CUX1: variants seen among roughly 807,000 people sequenced by gnomAD.
CUX1 encodes protein CASP.
Under a neutral mutation model 158.8 loss-of-function variants are expected in CUX1, and 31 were observed. The ratio of observed to expected loss-of-function variants is 0.20; its 90% CI spans 0.15 to 0.26. The LOEUF (loss-of-function observed/expected upper bound fraction) is 0.26, where lower values mean the gene tolerates loss of function less well. Among genes scored for constraint, CUX1 ranks in the 10% least tolerant of loss-of-function variants. The pLI is 1.00. For synonymous variants in CUX1, 879 were observed against 862.1 expected (o/e 1.02, Z -0.34); for missense variants, 1,589 against 2,014.6 (o/e 0.79, Z 4.04).
intron 1 of CUX1, among the ~76,000 whole-genome samples, chr7:101,887,842 C>CCTTT (rs1562966470): frequency 3.0e-5 from 4 of 135,038 alleles, no homozygotes; most frequent in Non-Finnish European, 4.8e-5. Context: ...ATGACGGTGA[C>CCTTT]ATTTTTTTTT....
At chr7:101,879,705 G>C (rs1799517174) in intron 1 of CUX1, among the ~76,000 whole-genome samples, 1 of 152,274 alleles carries the variant, frequency 6.6e-6, no homozygotes, top group Admixed American at 6.5e-5. Flanking sequence ...CTTCTTGGGA[G>C]ATAAAAGTGG....
chr7:101,989,269 C>T (rs1030406708), intron 2 of CUX1, among the ~76,000 whole-genome samples: 4 of 152,208 alleles, frequency 2.6e-5, no homozygotes, highest in African/African-American at 4.8e-5. Context: ...TCTGGTTCCA[C>T]GTGTCCCCAA....
intron 2 of CUX1, among the ~76,000 whole-genome samples, chr7:101,944,203 G>A (rs1432970918): frequency 6.6e-6 from 1 of 152,084 alleles, no homozygotes; most frequent in African/African-American, 2.4e-5. Context: ...GGGGCGCAGT[G>A]GGCTGGGTTG....
intron 7 of CUX1, among the ~76,000 whole-genome samples, chr7:102,113,075 G>T (rs559604932): frequency 3.7e-4 from 56 of 152,234 alleles, no homozygotes; most frequent in African/African-American, 1.3e-3. Context: ...GAGAAACAGT[G>T]CAGTCGAACA....
intron 2 of CUX1, among the ~76,000 whole-genome samples, chr7:101,946,968 G>T (rs576270872): frequency 6.6e-6 from 1 of 152,294 alleles, no homozygotes; most frequent in South Asian, 2.1e-4. Context: ...GCCACAGAAG[G>T]CCCGGGATGT....
At chr7:102,058,713 T>C (rs1824435391) in intron 3 of CUX1, among the ~76,000 whole-genome samples, 1 of 152,218 alleles carries the variant, frequency 6.6e-6, no homozygotes, top group South Asian at 2.1e-4. Context: ...TTTTTTATTG[T>C]ACACATATAT....
chr7:101,992,530 C>T (rs1765796785), intron 2 of CUX1, among the ~76,000 whole-genome samples: 1 of 152,190 alleles, frequency 6.6e-6, no homozygotes, highest in Admixed American at 6.5e-5. Flanking sequence ...CTACGTGCCC[C>T]ATGCCCAGCA....
chr7:101,931,461 C>T (rs1806280477), intron 2 of CUX1, among the ~76,000 whole-genome samples: 1 of 152,188 alleles, frequency 6.6e-6, no homozygotes, highest in Non-Finnish European at 1.5e-5. Context: ...TTAACACTCA[C>T]AGGATCCCTA....
In CUX1 at chr7:102,165,644, C is replaced by T. The variant is rs141059274; in HGVS notation, c.724-4802C>T. ...CCTCCCAAAGTGCTGGGATTACAGG[C>T]GTGAGCCACAGCACCCAGCAAAAGC... On this transcript the variant is annotated intron_variant, in intron 9 of 23. Transcript: ENST00000292535. Among the ~76,000 whole-genome samples, 41 of 152,204 alleles carry T rather than the reference C, an allele frequency of 2.7e-4. 1 individual carries two copies. In the East Asian group the frequency reaches 7.3e-3, roughly 27 times the overall value.
intron 3 of CUX1, among the ~76,000 whole-genome samples, chr7:102,040,288 C>T (rs975554595): frequency 2.0e-5 from 3 of 152,156 alleles, no homozygotes; most frequent in African/African-American, 7.2e-5. Flanking sequence ...GATGACGGAA[C>T]ATCAGAGGAA....
At chr7:102,128,347 C>T (rs537930609) in intron 8 of CUX1, among the ~76,000 whole-genome samples, 1 of 152,140 alleles carries the variant, frequency 6.6e-6, no homozygotes, top group Non-Finnish European at 1.5e-5. Flanking sequence ...TCCCATCTGT[C>T]CCCAGGTGTG....
intron 1 of CUX1, among the ~76,000 whole-genome samples, chr7:101,822,036 A>G (rs900651067): frequency 2.6e-5 from 4 of 151,454 alleles, no homozygotes; most frequent in South Asian, 2.1e-4. Context: ...TTCTATTTTT[A>G]GTTGAGACGA....
chr7:102,052,487 A>G (rs1480942207), intron 3 of CUX1, among the ~76,000 whole-genome samples: 8 of 152,190 alleles, frequency 5.3e-5, no homozygotes, highest in Admixed American at 5.2e-4. Context: ...TTATGGCTGA[A>G]TAATATTCCA....
intron 2 of CUX1, among the ~76,000 whole-genome samples, chr7:101,928,919 C>T (rs1005573185): frequency 6.6e-6 from 1 of 151,820 alleles, no homozygotes; most frequent in African/African-American, 2.4e-5. Flanking sequence ...ATCCACCCGC[C>T]TCGGCCTCCC....
intron 2 of CUX1, among the ~76,000 whole-genome samples, chr7:101,985,551 T>G (rs1053303622): frequency 6.6e-6 from 1 of 152,214 alleles, no homozygotes; most frequent in Non-Finnish European, 1.5e-5. Context: ...TGGAGACTTG[T>G]TGCCAGATTT....
At chr7:102,094,458 G>A (rs1554483324) in intron 4 of CUX1, among the ~76,000 whole-genome samples, 1 of 152,174 alleles carries the variant, frequency 6.6e-6, no homozygotes, top group South Asian at 2.1e-4. Flanking sequence ...TGGTGTAAAG[G>A]TCTGGTTCCT....
chr7:102,099,423 A>G (rs370719776), intron 5 of CUX1, among the ~76,000 whole-genome samples: 1 of 151,770 alleles, frequency 6.6e-6, no homozygotes, highest in East Asian at 1.9e-4. Flanking sequence ...GTAACCTGCA[A>G]ATCTGCACAT....
At chr7:101,862,059 T>C (rs1167817969) in intron 1 of CUX1, among the ~76,000 whole-genome samples, 1 of 152,176 alleles carries the variant, frequency 6.6e-6, no homozygotes, top group Non-Finnish European at 1.5e-5. Context: ...GGTCTCAAAC[T>C]CCTGACCTCA....
intron 1 of CUX1, among the ~76,000 whole-genome samples, chr7:101,875,243 C>A (rs1454287476): frequency 6.6e-6 from 1 of 152,158 alleles, no homozygotes; most frequent in African/African-American, 2.4e-5. Context: ...TTTGCAAGCT[C>A]TTTCAGGTAC....
Sources: gnomAD v4.1 joint callset for allele counts (sites outside exome capture counted in the v4.1 genomes callset) on GRCh38, gnomAD v4.1.1 for gene constraint, MANE v1.5 for transcripts, NCBI Gene and HGNC (gene_info 2026-07-23, HGNC 2026-07-21) for gene names.